The following LARGE1 variants were observed in gnomAD, a reference collection of about 807,000 sequenced individuals.
LARGE1 encodes the protein xylosyl- and glucuronyltransferase LARGE1.
Under a neutral mutation model 87.6 loss-of-function variants are expected in LARGE1, and 43 were observed. The ratio of observed to expected loss-of-function variants is 0.49; its 90% CI spans 0.38 to 0.63. The LOEUF is 0.63. LARGE1 is among the 30% of genes least tolerant of loss of function. The pLI is 0.00. For synonymous variants in LARGE1, 434 were observed against 394.6 expected (o/e 1.10, Z -1.18); for missense variants, 802 against 1,000.2 (o/e 0.80, Z 2.67).
chr22:33,103,073 G>A, the LARGE1 span, among the ~76,000 whole-genome samples: 1 of 151,842 alleles, frequency 6.6e-6, no homozygotes. Context: ...TAATCCTTGG[G>A]CCTGTGAACA....
intron 5 of LARGE1, among the ~76,000 whole-genome samples, chr22:33,569,724 C>A (rs1486446487): frequency 6.6e-6 from 1 of 152,146 alleles, no homozygotes; most frequent in South Asian, 2.1e-4. Flanking sequence ...ACCCCCACAG[C>A]CCCAGGCTGG....
At chr22:33,716,441 C>T (rs933199891) in intron 2 of LARGE1, among the ~76,000 whole-genome samples, 2 of 152,146 alleles carry the variant, frequency 1.3e-5, no homozygotes, top group Admixed American at 6.5e-5. Context: ...CTCAGTCTGT[C>T]ACCCAAGCTC....
intron 11 of LARGE1, among the ~76,000 whole-genome samples, chr22:33,248,652 G>A (rs1926878356): frequency 6.6e-6 from 1 of 152,174 alleles, no homozygotes; most frequent in African/African-American, 2.4e-5. Flanking sequence ...ATAATGACAT[G>A]TATCCACCAT....
chr22:33,104,929 T>C, the LARGE1 span, among the ~76,000 whole-genome samples: 50 of 100,100 alleles, frequency 5.0e-4, no homozygotes, highest in South Asian at 2.1e-3. Flanking sequence ...CTTTCTTTCT[T>C]TCTTTCTTTC....
intron 11 of LARGE1, among the ~76,000 whole-genome samples, chr22:33,312,639 G>C (rs1036678796): frequency 6.6e-6 from 1 of 152,100 alleles, no homozygotes; most frequent in African/African-American, 2.4e-5. Flanking sequence ...CTGATAATCT[G>C]AATGCATTAT....
chr22:33,919,688 G>T (rs138268368), intron 1 of LARGE1, among the ~76,000 whole-genome samples: 2 of 152,270 alleles, frequency 1.3e-5, no homozygotes, highest in Admixed American at 6.5e-5. Flanking sequence ...TAACAAGAGG[G>T]CCGGGGGTGC....
At chr22:33,677,280 T>A (rs2081610316) in intron 2 of LARGE1, among the ~76,000 whole-genome samples, 1 of 142,994 alleles carries the variant, frequency 7.0e-6, no homozygotes. Flanking sequence ...CCACAGTCTT[T>A]CAGGAGTTAA....
chr22:33,713,904 C>A (rs577839864), intron 2 of LARGE1, among the ~76,000 whole-genome samples: 12 of 152,160 alleles, frequency 7.9e-5, no homozygotes, highest in African/African-American at 2.9e-4. Context: ...TGCAGTGAGC[C>A]AGGATGGTGC....
chr22:33,651,089 G>GA (rs957497184), intron 2 of LARGE1, among the ~76,000 whole-genome samples: 1 of 151,370 alleles, frequency 6.6e-6, no homozygotes, highest in Non-Finnish European at 1.5e-5. Context: ...GAGTAATAAG[G>GA]AAAAAATAAT....
intron 1 of LARGE1, among the ~76,000 whole-genome samples, chr22:33,842,919 A>T (rs1601751940): frequency 3.6e-5 from 1 of 28,036 alleles, no homozygotes; most frequent in Non-Finnish European, 7.6e-5. Flanking sequence ...CAAACAAAAC[A>T]AAACAAAACA....
intron 1 of LARGE1, among the ~76,000 whole-genome samples, chr22:33,794,707 G>GC (rs59213203): frequency 1 from 152,304 of 152,306 alleles, 76,151 homozygotes; most frequent in Middle Eastern, 1. Flanking sequence ...TGCAACCTCC[G>GC]CTCCCGGGTT....
intron 6 of LARGE1, among the ~76,000 whole-genome samples, chr22:33,467,885 A>C (rs2068680222): frequency 6.6e-6 from 1 of 152,212 alleles, no homozygotes; most frequent in South Asian, 2.1e-4. Context: ...AAATTGGCAG[A>C]GCTCAGTCTA....
chr22:33,273,799 A>C lies in LARGE1; in HGVS notation c.*628T>G. 1 of 397,300 alleles carries C rather than the reference A, an allele frequency of 2.5e-6. No individual in the cohort carries two copies. 24.6% of individuals were successfully genotyped at this position (397,300 alleles called of 1,614,324 possible). On this transcript the variant is annotated 3_prime_UTR_variant, in exon 15 of 15. Coordinates refer to ENST00000397394, the MANE Select transcript of LARGE1 (RefSeq NM_133642.5). ...GGATTGCCAGCCCCAAAAATAAACA[A>C]AACCCCCAAAGAAAAACAAAACAAA...
chr22:33,669,916 C>T (rs944330487), intron 2 of LARGE1, among the ~76,000 whole-genome samples: 1 of 152,204 alleles, frequency 6.6e-6, no homozygotes, highest in Non-Finnish European at 1.5e-5. Context: ...CATTGACCTG[C>T]ACTGTTGTTG....
At position 33,283,247 on chromosome 22, in the gene LARGE1, G is replaced by A. The variant is rs748941926; in HGVS notation, c.1832C>T (p.Ala611Val). 3 of 1,614,178 alleles carry A rather than the reference G, an allele frequency of 1.9e-6. No individual in the cohort carries two copies. The highest frequency in any genetic ancestry group is 2.5e-6 in the Non-Finnish European group (3 of 1,180,044). The change falls in exon 13 of 15, where the codon GCG (alanine) becomes GTG (valine). Residue 611 changes from alanine to valine, a missense_variant. By Grantham distance (64) the Ala-to-Val change is moderately conservative. Coordinates refer to ENST00000397394, the MANE Select transcript of LARGE1 (RefSeq NM_133642.5). ...RYRLSFPKSK[A>V]ELLSMLDMGT... ...CATGTCCAGCATTGACAGCAACTCC[G>A]CTTTTGACTTGGGGAAGGACAGCCG... is the stretch of plus-strand genomic sequence containing the variant.
the LARGE1 span, among the ~76,000 whole-genome samples, chr22:33,113,039 A>T: frequency 1.3e-5 from 2 of 152,198 alleles, no homozygotes; most frequent in African/African-American, 4.8e-5. Context: ...GAGAAATGAC[A>T]TGTTAGGGTT....
chr22:33,411,465 A>G (rs2066302038), intron 7 of LARGE1, among the ~76,000 whole-genome samples: 1 of 152,260 alleles, frequency 6.6e-6, no homozygotes, highest in Non-Finnish European at 1.5e-5. Context: ...AACACAGAAA[A>G]CAAACAAGCA....
intron 11 of LARGE1, among the ~76,000 whole-genome samples, chr22:33,253,690 C>T (rs755920563): frequency 7.2e-5 from 11 of 152,222 alleles, no homozygotes; most frequent in Middle Eastern, 3.4e-3. Flanking sequence ...CCAGCCTGGA[C>T]GACAGAGCGA....
rs527419381 is a variant in LARGE1 at position 33,886,539 on chromosome 22, T to C, written c.-83+33456A>G. Among the ~76,000 whole-genome samples the C allele has an allele frequency of 2.0e-5, 3 of 150,648 alleles. No homozygotes were observed. The South Asian group carries it at 6.3e-4, about 32-fold the overall frequency. ...TAAAAATAGAAAAATTAGCAGGGCA[T>C]GGTGGCCCACACCTGTAATCCCAGC... On this transcript the variant is annotated intron_variant, in intron 1 of 14. Transcript: ENST00000397394.
Sources: allele counts gnomAD v4.1 joint callset (sites outside exome capture counted in the v4.1 genomes callset), GRCh38; gene constraint gnomAD v4.1.1; transcripts MANE v1.5; gene names NCBI Gene and HGNC (gene_info 2026-07-23, HGNC 2026-07-21).